RARB: variants seen among roughly 807,000 people sequenced by gnomAD.
RARB encodes the protein retinoic acid receptor beta, also known as HBV-activated protein.
Under a neutral mutation model 51.9 loss-of-function variants are expected in RARB, and 17 were observed. That is an observed-to-expected ratio of 0.33 (90% confidence interval 0.22 to 0.49). The LOEUF (loss-of-function observed/expected upper bound fraction) is 0.49. Among genes scored for constraint, RARB ranks in the 20% least tolerant of loss-of-function variants. The probability of loss-of-function intolerance (pLI) is 0.99; values close to 1 mark genes in which losing one functional copy is unlikely to be tolerated. For missense variants in RARB, 369 were observed against 550.8 expected (o/e 0.67, Z 3.30); for synonymous variants, 215 against 195.4 (o/e 1.10, Z -0.84).
At chr3:25,311,502 T>C (rs1031889314) in intron 5 of RARB, among the ~76,000 whole-genome samples, 3 of 152,264 alleles carry the variant, frequency 2.0e-5, no homozygotes, top group African/African-American at 4.8e-5. Context: ...TCTCTGTTTA[T>C]AGTTTTTATT....
At chr3:25,039,956 CAGAAG>C (rs1698079314) in intron 2 of RARB, among the ~76,000 whole-genome samples, 1 of 152,178 alleles carries the variant, frequency 6.6e-6, no homozygotes, top group Non-Finnish European at 1.5e-5. Flanking sequence ...TAACTGTCCT[CAGAAG>C]AGAGTTTTAC....
chr3:25,473,705 A>G (rs1222642150), intron 2 of RARB, among the ~76,000 whole-genome samples: 2 of 152,138 alleles, frequency 1.3e-5, no homozygotes, highest in African/African-American at 4.8e-5. Flanking sequence ...AGGCATATAT[A>G]TAGTGAATTT....
intron 2 of RARB, among the ~76,000 whole-genome samples, chr3:24,913,404 T>TCTC (rs61629105): frequency 2.5e-3 from 329 of 131,554 alleles, no homozygotes; most frequent in African/African-American, 9.6e-3. Context: ...CTCTCTCTCT[T>TCTC]TTTTTTTTTT....
intron 4 of RARB, among the ~76,000 whole-genome samples, chr3:25,167,939 G>C (rs1320713602): frequency 1.3e-5 from 2 of 152,150 alleles, no homozygotes; most frequent in Non-Finnish European, 2.9e-5. Flanking sequence ...CAAATAAAAA[G>C]CCCATTAATC....
At chr3:25,069,458 T>G (rs1333461311) in intron 3 of RARB, among the ~76,000 whole-genome samples, 3 of 152,214 alleles carry the variant, frequency 2.0e-5, no homozygotes, top group Non-Finnish European at 2.9e-5. Context: ...ATTTATATGC[T>G]GGATCATTCC....
chr3:25,001,493 G>C (rs1260506628), intron 2 of RARB, among the ~76,000 whole-genome samples: 2 of 152,024 alleles, frequency 1.3e-5, no homozygotes, highest in African/African-American at 2.4e-5. Flanking sequence ...AAAAAATGCG[G>C]GACTGGTGGG....
intron 5 of RARB, among the ~76,000 whole-genome samples, chr3:25,199,808 G>T (rs981019861): frequency 6.6e-6 from 1 of 152,158 alleles, no homozygotes; most frequent in East Asian, 1.9e-4. Flanking sequence ...GTATTCCACC[G>T]TGTATATGTG....
At chr3:25,399,072 G>A (rs927697296) in intron 5 of RARB, among the ~76,000 whole-genome samples, 3 of 152,100 alleles carry the variant, frequency 2.0e-5, no homozygotes, top group African/African-American at 7.2e-5. Context: ...CTACCATCCT[G>A]GCTTTGCAGC....
intron 3 of RARB, among the ~76,000 whole-genome samples, chr3:25,537,015 C>T (rs1370843640): frequency 2.0e-5 from 3 of 152,214 alleles, no homozygotes; most frequent in Admixed American, 6.5e-5. Flanking sequence ...TCAAAGACTT[C>T]CCCTGGGGAG....
At chr3:25,319,613 C>T (rs1375901403) in intron 5 of RARB, among the ~76,000 whole-genome samples, 14 of 151,814 alleles carry the variant, frequency 9.2e-5, no homozygotes, top group Non-Finnish European at 1.6e-4. Context: ...CTAAGAATTC[C>T]GTTCAACATG....
intron 5 of RARB, among the ~76,000 whole-genome samples, chr3:25,419,264 G>A (rs1050184289): frequency 2.0e-5 from 3 of 152,128 alleles, no homozygotes; most frequent in Non-Finnish European, 4.4e-5. Context: ...CTTCAGGGGA[G>A]AAGGGCAAGG....
chr3:25,313,827 T>C (rs1041577566), intron 5 of RARB, among the ~76,000 whole-genome samples: 1 of 152,162 alleles, frequency 6.6e-6, no homozygotes, highest in Non-Finnish European at 1.5e-5. Context: ...TCTAGCACTT[T>C]GGGAGGTCCA....
chr3:25,412,548 T>C (rs907195777), intron 5 of RARB, among the ~76,000 whole-genome samples: 16 of 152,236 alleles, frequency 1.1e-4, no homozygotes, highest in African/African-American at 1.7e-4. Context: ...ATGGGAACAA[T>C]TGAGAGTTTG....
chr3:25,074,319 C>G (rs1418093114), intron 3 of RARB, among the ~76,000 whole-genome samples: 3 of 152,186 alleles, frequency 2.0e-5, no homozygotes, highest in Non-Finnish European at 4.4e-5. Flanking sequence ...CTAAAAATAG[C>G]ATCTGCTTCC....
chr3:24,840,981 C>A (rs1702414647), intron 1 of RARB, among the ~76,000 whole-genome samples: 1 of 152,066 alleles, frequency 6.6e-6, no homozygotes. Flanking sequence ...GATTCACATG[C>A]AATGAGGGGT....
chr3:25,086,897 A>C (rs1393157952), intron 3 of RARB, among the ~76,000 whole-genome samples: 39 of 152,154 alleles, frequency 2.6e-4, no homozygotes, highest in Admixed American at 2.6e-3. Flanking sequence ...TAGATTGTGA[A>C]TGTTTCTTAT....
chr3:24,852,998 A>G (rs1363698062), intron 1 of RARB, among the ~76,000 whole-genome samples: 1 of 152,100 alleles, frequency 6.6e-6, no homozygotes, highest in Non-Finnish European at 1.5e-5. Flanking sequence ...TATATAAACT[A>G]TATCTCAATA....
intron 2 of RARB, among the ~76,000 whole-genome samples, chr3:24,961,218 A>G (rs1696133022): frequency 6.6e-6 from 1 of 152,242 alleles, no homozygotes. Context: ...TTGTTCAATT[A>G]AAAAAATAAA....
intron 4 of RARB, among the ~76,000 whole-genome samples, chr3:25,572,808 C>T (rs1216944379): frequency 6.6e-6 from 1 of 152,118 alleles, no homozygotes; most frequent in Non-Finnish European, 1.5e-5. Context: ...TCAGGGTCCC[C>T]CTCCGCCTCC....
Sources: allele counts gnomAD v4.1 joint callset (sites outside exome capture counted in the v4.1 genomes callset), GRCh38; gene constraint gnomAD v4.1.1; transcripts MANE v1.5; gene names NCBI Gene and HGNC (gene_info 2026-07-23, HGNC 2026-07-21).